FRMPD4: variants seen among roughly 807,000 people sequenced by gnomAD.
FRMPD4 encodes FERM and PDZ domain-containing protein 4.
In FRMPD4, 22 loss-of-function variants were observed where a neutral mutation model predicts 94.1. The ratio of observed to expected loss-of-function variants is 0.23; its 90% CI spans 0.17 to 0.33. The LOEUF (loss-of-function observed/expected upper bound fraction) is 0.33, where lower values mean the gene tolerates loss of function less well. Ranked by LOEUF, FRMPD4 falls within the 10% of genes least tolerant of loss-of-function variation. The pLI is 1.00. For synonymous variants in FRMPD4, 631 were observed against 548.6 expected (o/e 1.15, Z -2.10); for missense variants, 1,111 against 1,339.9 (o/e 0.83, Z 2.67).
chrX:12,452,541 C>T (rs2057284542), intron 1 of FRMPD4, among the ~76,000 whole-genome samples: 2 of 111,986 alleles, frequency 1.8e-5, no homozygotes, highest in Non-Finnish European at 3.8e-5. Flanking sequence ...TCCCTCTGTT[C>T]TCTGTCAGCA....
chrX:12,474,406 G>A (rs897037750), intron 1 of FRMPD4, among the ~76,000 whole-genome samples: 1 of 111,125 alleles, frequency 9.0e-6, no homozygotes, highest in Non-Finnish European at 1.9e-5. Flanking sequence ...AAGAACCAGA[G>A]AAGCAAGAGC....
chrX:12,604,133 A>G (rs1391290176), intron 2 of FRMPD4, among the ~76,000 whole-genome samples: 1 of 110,887 alleles, frequency 9.0e-6, no homozygotes, highest in Non-Finnish European at 1.9e-5. Flanking sequence ...GAAAAAAAAA[A>G]AAAACCAATG....
chrX:12,637,159 A>G (rs1032250303), intron 4 of FRMPD4, among the ~76,000 whole-genome samples: 2 of 112,448 alleles, frequency 1.8e-5, no homozygotes, highest in African/African-American at 6.5e-5. Context: ...AAAGGTTTCT[A>G]TATAACCTCA....
intron 3 of FRMPD4, among the ~76,000 whole-genome samples, chrX:11,908,740 C>A (rs749790975): frequency 1.2e-4 from 14 of 112,025 alleles, no homozygotes; most frequent in Non-Finnish European, 2.3e-4. Context: ...ATAAATACAT[C>A]TCAATTTGTT....
intron 2 of FRMPD4, among the ~76,000 whole-genome samples, chrX:12,553,466 A>ATATATATATATATATATATCTC (rs368999462): frequency 1.3e-5 from 1 of 78,095 alleles, no homozygotes; most frequent in Non-Finnish European, 2.3e-5. Context: ...ATATATATAT[A>ATATATATATATATATATATCTC]TCTAATCCAC....
intron 1 of FRMPD4, among the ~76,000 whole-genome samples, chrX:12,223,533 A>G (rs752427271): frequency 8.9e-6 from 1 of 111,732 alleles, no homozygotes; most frequent in Non-Finnish European, 1.9e-5. Flanking sequence ...TAATGTGTAC[A>G]CCAAACCCCT....
chrX:12,714,283 G>A (rs1414809472), intron 14 of FRMPD4, among the ~76,000 whole-genome samples: 3 of 111,105 alleles, frequency 2.7e-5, no homozygotes, highest in African/African-American at 9.8e-5. Flanking sequence ...AAGGCTTTAG[G>A]GGAGGATTTC....
chrX:12,083,390 A>G (rs1284796110), intron 3 of FRMPD4, among the ~76,000 whole-genome samples: 2 of 112,918 alleles, frequency 1.8e-5, no homozygotes, highest in Non-Finnish European at 3.7e-5. Flanking sequence ...CTCCGCCTAG[A>G]TTTCAGAAGA....
intron 1 of FRMPD4, among the ~76,000 whole-genome samples, chrX:12,221,583 G>A (rs141065048): frequency 4.3e-3 from 485 of 112,349 alleles, no homozygotes; most frequent in African/African-American, 0.015. Context: ...AATCCTGAAC[G>A]ATGGGTAGAC....
intron 1 of FRMPD4, among the ~76,000 whole-genome samples, chrX:11,853,268 G>T (rs2053635484): frequency 9.0e-6 from 1 of 111,659 alleles, no homozygotes; most frequent in Non-Finnish European, 1.9e-5. Flanking sequence ...GAAATTTATA[G>T]CACTAAATGC....
At chrX:12,027,454 A>G (rs1430754222) in intron 3 of FRMPD4, among the ~76,000 whole-genome samples, 1 of 112,246 alleles carries the variant, frequency 8.9e-6, no homozygotes, top group Non-Finnish European at 1.9e-5. Context: ...TGTGAGGAAA[A>G]CTAAAATCAG....
At chrX:11,981,331 A>T (rs745677463) in intron 3 of FRMPD4, among the ~76,000 whole-genome samples, 1 of 111,789 alleles carries the variant, frequency 8.9e-6, no homozygotes, top group East Asian at 2.8e-4. Flanking sequence ...TAGAATTGTC[A>T]GTTTCTCTTT....
intron 1 of FRMPD4, among the ~76,000 whole-genome samples, chrX:12,442,905 AGAGTGACGTATTGGT>A (rs2057154613): frequency 8.9e-6 from 1 of 112,396 alleles, no homozygotes; most frequent in Non-Finnish European, 1.9e-5. Flanking sequence ...AGCCATAAAA[AGAGTGACGTATTGGT>A]ACATGATGCA....
intron 2 of FRMPD4, among the ~76,000 whole-genome samples, chrX:12,578,647 CTTT>C (rs2058835697): frequency 8.9e-6 from 1 of 111,874 alleles, no homozygotes; most frequent in Admixed American, 9.4e-5. Flanking sequence ...CAAAAGAAGC[CTTT>C]TTAAGTATTT....
chrX:12,205,242 T>A (rs1057376383), intron 1 of FRMPD4, among the ~76,000 whole-genome samples: 12 of 111,448 alleles, frequency 1.1e-4, no homozygotes, highest in African/African-American at 3.9e-4. Flanking sequence ...TTTCAATGAT[T>A]TCCAGAGAGA....
chrX:12,446,061 G>T (rs371729690), intron 1 of FRMPD4, among the ~76,000 whole-genome samples: 2 of 112,341 alleles, frequency 1.8e-5, no homozygotes, highest in African/African-American at 6.5e-5. Context: ...AAAGATGAGA[G>T]TTGAGAGCAA....
chrX:11,958,621 C>A (rs2054268491), intron 3 of FRMPD4, among the ~76,000 whole-genome samples: 1 of 111,900 alleles, frequency 8.9e-6, no homozygotes, highest in Non-Finnish European at 1.9e-5. Context: ...AGACATGGAA[C>A]TTCAGCATGA....
At chrX:12,016,931 CT>C (rs869120064) in intron 3 of FRMPD4, among the ~76,000 whole-genome samples, 1 of 112,150 alleles carries the variant, frequency 8.9e-6, no homozygotes, top group Non-Finnish European at 1.9e-5. Flanking sequence ...GAGCTTGCAT[CT>C]TGACCTGAGC....
At chrX:12,166,858 C>T (rs1203318083) in intron 1 of FRMPD4, among the ~76,000 whole-genome samples, 3 of 111,157 alleles carry the variant, frequency 2.7e-5, no homozygotes, top group East Asian at 2.8e-4. Flanking sequence ...TATAGTATTC[C>T]CTGATGGTAG....
Sources: allele counts gnomAD v4.1 joint callset (sites outside exome capture counted in the v4.1 genomes callset), GRCh38; gene constraint gnomAD v4.1.1; transcripts MANE v1.5; gene names NCBI Gene and HGNC (gene_info 2026-07-23, HGNC 2026-07-21).